Variants in KAZN observed in about 807,000 individuals in gnomAD.
KAZN encodes kazrin, periplakin interacting protein.
In KAZN, 40 loss-of-function variants were observed where a neutral mutation model predicts 87.4. The ratio of observed to expected loss-of-function variants is 0.46; its 90% CI spans 0.36 to 0.60. The LOEUF is 0.60. Among genes scored for constraint, KAZN ranks in the 20% least tolerant of loss-of-function variants. The pLI is 0.00. For missense variants in KAZN, 898 were observed against 1,073.9 expected (o/e 0.84, Z 2.29); for synonymous variants, 466 against 458.3 (o/e 1.02, Z -0.22).
At chr1:14,672,108 C>A (rs1557879128) in intron 1 of KAZN, among the ~76,000 whole-genome samples, 1 of 151,920 alleles carries the variant, frequency 6.6e-6, no homozygotes, top group South Asian at 2.1e-4. Context: ...CCCTACAGGG[C>A]TATTTATGAA....
At position 15,066,175 on chromosome 1, in the gene KAZN, T is replaced by G; in HGVS notation, c.1222+422T>G. 2 of 1,006,766 alleles carry G rather than the reference T, an allele frequency of 2.0e-6. No individual in the cohort carries two copies. Among genetic ancestry groups the G allele is most frequent in the Non-Finnish European group, 1.2e-6 (1 of 844,320 alleles). 62.4% of individuals were successfully genotyped at this position (1,006,766 alleles called of 1,614,324 possible). On this transcript the variant is annotated intron_variant, in intron 8 of 14. Coordinates refer to ENST00000376030, the MANE Select transcript of KAZN (RefSeq NM_201628.3). This position sits in a 1 kb window ranked among gnomAD's most constrained non-coding sequence, Gnocchi z 4.3. The stretch of plus-strand genomic sequence containing the variant: ...TTTTTGTTTTTTTCCCCCTTTCTCC[T>G]CCCCTCCTCCTTTTTATGAAACTTG...
At chr1:14,695,525 T>TTTTTTTTTTTG (rs1641552120) in intron 1 of KAZN, among the ~76,000 whole-genome samples, 1 of 146,382 alleles carries the variant, frequency 6.8e-6, no homozygotes, top group African/African-American at 2.5e-5. Context: ...TTTTTTTTTT[T>TTTTTTTTTTTG]GATGGAGTCT....
intron 1 of KAZN, among the ~76,000 whole-genome samples, chr1:14,713,244 CT>C (rs34094025): frequency 0.42 from 63,782 of 151,940 alleles, 13,663 homozygotes; most frequent in East Asian, 0.56. Context: ...TGCACAAGCG[CT>C]TTTTCAAGCC....
Position 14,683,700 on chromosome 1 carries a change from A to C in KAZN, c.226+84477A>C, listed in dbSNP as rs554379859. On this transcript the variant is annotated intron_variant, in intron 1 of 14. Coordinates refer to ENST00000376030, the MANE Select transcript of KAZN (RefSeq NM_201628.3). ...GCTCCCAGCCCCCCTATCTGGTACC[A>C]AGGAGATCCTCAGGAAAGGTTCCCA... 3.3e-5 allele frequency among the ~76,000 whole-genome samples: 5 copies of C among 152,334 alleles called. No individual in the cohort carries two copies. In the East Asian group the frequency reaches 5.8e-4, roughly 18 times the overall value.
chr1:14,980,698 T>C (rs1666152251), intron 2 of KAZN, among the ~76,000 whole-genome samples: 1 of 152,152 alleles, frequency 6.6e-6, no homozygotes, highest in Non-Finnish European at 1.5e-5. Flanking sequence ...ACATGATCTT[T>C]ACCATGACAG....
intron 1 of KAZN, among the ~76,000 whole-genome samples, chr1:13,953,550 A>G (rs1034882966): frequency 2.6e-5 from 4 of 152,216 alleles, no homozygotes; most frequent in African/African-American, 9.6e-5. Context: ...AGTGTTGCTA[A>G]TGATAGTTCT....
At chr1:14,477,078 C>T (rs1186226877) in intron 2 of KAZN, among the ~76,000 whole-genome samples, 1 of 152,208 alleles carries the variant, frequency 6.6e-6, no homozygotes, top group African/African-American at 2.4e-5. Flanking sequence ...ACCCAAATCT[C>T]ATCTTGAATT....
At position 14,745,337 on chromosome 1, in the gene KAZN, C is replaced by A. The variant is rs564242415; in HGVS notation, c.226+146114C>A. ...TCTCTGCAACTGTTTTTAAATGGTA[C>A]GCAGCTCAAAATAGATAGGAATGAT... On this transcript the variant is annotated intron_variant, in intron 1 of 14. Transcript: ENST00000376030. 4.0e-5 allele frequency among the ~76,000 whole-genome samples: 6 copies of A among 150,078 alleles called. 1 individual carries two copies. The highest frequency in any genetic ancestry group is 1.5e-4 in the African/African-American group (6 of 40,830).
intron 8 of KAZN, among the ~76,000 whole-genome samples, chr1:15,086,214 A>T (rs1640248082): frequency 6.6e-6 from 1 of 151,690 alleles, no homozygotes; most frequent in Admixed American, 6.6e-5. Flanking sequence ...CAGGTAATCC[A>T]CCTGCCTCGG....
intron 2 of KAZN, among the ~76,000 whole-genome samples, chr1:14,299,569 T>C (rs76572884): frequency 0.015 from 2,247 of 152,274 alleles, 53 homozygotes; most frequent in African/African-American, 0.052. Context: ...CAGTCATTGC[T>C]GGAATAATGC....
rs542201127 is a variant in KAZN, at chr1:14,820,063, G to C, written c.227-140621G>C. Among the ~76,000 whole-genome samples the C allele has an allele frequency of 2.0e-5, 3 of 152,166 alleles. No homozygotes were observed. Among genetic ancestry groups the C allele is most frequent in the African/African-American group, 7.2e-5 (3 of 41,502 alleles). ...TCCACCCTCACCTCTATCTAATCTA[G>C]TGGTTCTCCAACTTTAATGTGCTCA... On this transcript the variant is annotated intron_variant, in intron 1 of 14. Coordinates refer to ENST00000376030, the MANE Select transcript of KAZN (RefSeq NM_201628.3). This position sits in a 1 kb window ranked among gnomAD's most constrained non-coding sequence, Gnocchi z 4.1.
intron 1 of KAZN, among the ~76,000 whole-genome samples, chr1:14,797,801 A>G (rs1332607368): frequency 2.0e-5 from 3 of 152,198 alleles, no homozygotes; most frequent in African/African-American, 7.2e-5. Flanking sequence ...TCATCACAGC[A>G]TGTCTCTTTC....
At chr1:14,698,778 G>A (rs1002071691) in intron 1 of KAZN, among the ~76,000 whole-genome samples, 3 of 152,340 alleles carry the variant, frequency 2.0e-5, no homozygotes, top group South Asian at 2.1e-4. Flanking sequence ...GCATGGGTGG[G>A]AAAAGTTTGC....
At chr1:14,675,689 A>G (rs774568848) in intron 1 of KAZN, among the ~76,000 whole-genome samples, 36 of 152,144 alleles carry the variant, frequency 2.4e-4, no homozygotes, top group Non-Finnish European at 5.0e-4. Flanking sequence ...TCTTCTAATC[A>G]TTCCATGCCT....
chr1:14,261,873 C>G (rs1368045606), intron 2 of KAZN, among the ~76,000 whole-genome samples: 1 of 152,132 alleles, frequency 6.6e-6, no homozygotes. Context: ...CATCTCAACT[C>G]CTGCTGTTAA....
chr1:14,695,979 C>G (rs1045811088), intron 1 of KAZN, among the ~76,000 whole-genome samples: 1 of 152,170 alleles, frequency 6.6e-6, no homozygotes, highest in African/African-American at 2.4e-5. Context: ...TTCCAGGAGA[C>G]GTGTTGATAC....
chr1:14,576,442 T>C lies in KAZN; in HGVS notation c.250-22541T>C, dbSNP rs182998235. Among the ~76,000 whole-genome samples, 1,441 of 144,580 alleles carry C rather than the reference T, an allele frequency of 1.0e-2. 17 individuals are homozygous for C. Among genetic ancestry groups the C allele is most frequent in the African/African-American group, 0.038 (1,330 of 34,756 alleles). The allele number at this position is 144,580 out of a possible 152,430, so 94.9% of individuals were successfully genotyped here. A position where few individuals can be genotyped will look rare whatever the true frequency, so the allele number is the denominator to read the frequency against. Reference sequence around the variant, plus strand: ...ATGGGTAGATGGATGAATGGAACAATGGATGGATGGATGGATATATTAATG... The same window carrying C: ...ATGGGTAGATGGATGAATGGAACAACGGATGGATGGATGGATATATTAATG... On this transcript the variant is annotated intron_variant, in intron 2 of 16. Coordinates refer to the KAZN transcript ENST00000636203.
chr1:14,028,043 A>G (rs1426148976), intron 1 of KAZN, among the ~76,000 whole-genome samples: 1 of 152,104 alleles, frequency 6.6e-6, no homozygotes, highest in Non-Finnish European at 1.5e-5. Context: ...TCTGCTCCTC[A>G]CTGGTGAGGC....
At chr1:14,247,829 T>G (rs1649652055) in intron 2 of KAZN, among the ~76,000 whole-genome samples, 1 of 152,174 alleles carries the variant, frequency 6.6e-6, no homozygotes, top group African/African-American at 2.4e-5. Context: ...TTTTGCTTTT[T>G]TTTTTGGGTG....
Sources: gnomAD v4.1 joint callset for allele counts (sites outside exome capture counted in the v4.1 genomes callset) on GRCh38, gnomAD v4.1.1 for gene constraint, Gnocchi (gnomAD v3.1) non-coding constraint, MANE v1.5 for transcripts, NCBI Gene and HGNC (gene_info 2026-07-23, HGNC 2026-07-21) for gene names.